SMARCA2: variants seen among roughly 807,000 people sequenced by gnomAD.
The protein encoded by SMARCA2 is SWI/SNF related BAF chromatin remodeling complex subunit ATPase 2.
Under a neutral mutation model 199.8 loss-of-function variants are expected in SMARCA2, and 61 were observed. That is an observed-to-expected ratio of 0.31 (90% CI 0.25 to 0.38). SMARCA2 has a LOEUF of 0.38. SMARCA2 is among the 10% of genes least tolerant of loss of function. The pLI is 1.00. For missense variants in SMARCA2, 1,344 were observed against 2,012.2 expected, an observed-to-expected ratio of 0.67 and a Z score of 6.35; for synonymous variants, 935 against 732.0, an observed-to-expected ratio of 1.28 and a Z score of -4.48.
chr9:2,112,403 G>A (rs573124535), intron 24 of SMARCA2, among the ~76,000 whole-genome samples: 2 of 152,042 alleles, frequency 1.3e-5, no homozygotes, highest in African/African-American at 2.4e-5. Context: ...AAAAGCCACT[G>A]TTCCAGGAAA....
chr9:2,128,506 C>T (rs759812061), intron 27 of SMARCA2, among the ~76,000 whole-genome samples: 4 of 152,232 alleles, frequency 2.6e-5, no homozygotes, highest in Non-Finnish European at 4.4e-5. Context: ...ATGCAGGGTG[C>T]AGTGAAACTG....
At chr9:2,107,946 A>G (rs1435385757) in intron 23 of SMARCA2, among the ~76,000 whole-genome samples, 1 of 152,166 alleles carries the variant, frequency 6.6e-6, no homozygotes, top group Non-Finnish European at 1.5e-5. Context: ...CCTGAAGATA[A>G]GGTTTAGGGA....
chr9:2,026,366 G>T (rs552227767), intron 1 of SMARCA2, among the ~76,000 whole-genome samples: 2 of 152,030 alleles, frequency 1.3e-5, no homozygotes, highest in Non-Finnish European at 2.9e-5. Flanking sequence ...TTATATGCCC[G>T]TAATTTTCCA....
At chr9:2,112,325 C>T (rs946307085) in intron 24 of SMARCA2, among the ~76,000 whole-genome samples, 48 of 152,060 alleles carry the variant, frequency 3.2e-4, no homozygotes, top group African/African-American at 1.1e-3. Context: ...ATTCTGTCTT[C>T]GGAGGTAAGC....
intron 27 of SMARCA2, among the ~76,000 whole-genome samples, chr9:2,146,797 A>G (rs923933887): frequency 6.6e-6 from 1 of 152,106 alleles, no homozygotes; most frequent in Admixed American, 6.6e-5. Flanking sequence ...GTAAACTGTC[A>G]TGGCTCTGGT....
Position 2,169,140 on chromosome 9 carries a change from A to G in SMARCA2, c.4200-1279A>G, listed in dbSNP as rs954667386. 6.6e-6 allele frequency among the ~76,000 whole-genome samples: 1 copy of G among 152,000 alleles called. No homozygotes were observed. The highest frequency in any genetic ancestry group is 2.1e-4 in the South Asian group (1 of 4,808). On this transcript the variant is annotated intron_variant, in intron 28 of 33. Coordinates refer to ENST00000349721, the MANE Select transcript of SMARCA2 (RefSeq NM_003070.5). The surrounding 1 kb of genome is among the most constrained non-coding windows in gnomAD (Gnocchi z 6.5). ...CTCAGAGTCCCCTCAACCTGCTCCT[A>G]ATTGTCCCTACAAGACACCCGTTCA...
chr9:2,089,018 G>T (rs538277394), intron 19 of SMARCA2, among the ~76,000 whole-genome samples: 1 of 151,934 alleles, frequency 6.6e-6, no homozygotes, highest in Non-Finnish European at 1.5e-5. Flanking sequence ...ACATTTACAG[G>T]TTTTCTAGAA....
At chr9:2,084,061 CA>C (rs1821688933) in intron 16 of SMARCA2, 24 bp from the exon 17 acceptor site, 1 of 1,218,332 alleles carries the variant, frequency 8.2e-7, no homozygotes, top group Non-Finnish European at 1.2e-6. Context: ...TAGGATCATG[CA>C]TGTATTTTTT....
At chr9:2,189,826 T>C (rs1827754067) in intron 32 of SMARCA2, among the ~76,000 whole-genome samples, 1 of 152,192 alleles carries the variant, frequency 6.6e-6, no homozygotes, top group South Asian at 2.1e-4. Context: ...TCATCTCTTC[T>C]GTTAGCTTAT....
At chr9:2,074,931 A>G (rs1432516434) in intron 12 of SMARCA2, 1 of 152,156 alleles carries the variant, frequency 6.6e-6, no homozygotes, top group East Asian at 1.9e-4. Context: ...CAGCTACTCT[A>G]TCTCTAAGAT....
chr9:2,144,068 G>GA (rs1201765573), intron 27 of SMARCA2, among the ~76,000 whole-genome samples: 3 of 151,952 alleles, frequency 2.0e-5, no homozygotes, highest in Non-Finnish European at 4.4e-5. Flanking sequence ...GGAGCCGGGA[G>GA]ATGGGGGGGG....
At chr9:2,105,611 T>C (rs1822720129) in intron 23 of SMARCA2, among the ~76,000 whole-genome samples, 1 of 152,188 alleles carries the variant, frequency 6.6e-6, no homozygotes, top group African/African-American at 2.4e-5. Flanking sequence ...TAAATGTCAA[T>C]TTTTAGTTCA....
Position 2,039,950 on chromosome 9 carries a change from A to G in SMARCA2, c.790+50A>G. ...ATAATGCCATGGTCCAACTCGGATA[A>G]CAAAGACTGCTCACCAAAACACCGG... On this transcript the variant is annotated intron_variant, in intron 4 of 33. Transcript: ENST00000349721. This position sits in a 1 kb window ranked among gnomAD's most constrained non-coding sequence, Gnocchi z 4.8. The G allele has an allele frequency of 6.3e-7, 1 of 1,597,288 alleles. No individual in the cohort carries two copies. Among genetic ancestry groups the G allele is most frequent in the Non-Finnish European group, 8.5e-7 (1 of 1,171,970 alleles).
At chr9:2,029,320 C>T (rs1818964099) in intron 2 of SMARCA2, 73 bp downstream of exon 2, 1 of 1,540,320 alleles carries the variant, frequency 6.5e-7, no homozygotes, top group South Asian at 1.2e-5. Context: ...AACCCCATCC[C>T]CCTTTCTACT....
At chr9:2,034,021 C>A (rs900473011) in intron 3 of SMARCA2, among the ~76,000 whole-genome samples, 13 of 151,954 alleles carry the variant, frequency 8.6e-5, no homozygotes, top group Non-Finnish European at 2.9e-5. Context: ...CTGAGACGGG[C>A]GGATCACGAG....
At chr9:2,081,334 C>T (rs1179102331) in intron 14 of SMARCA2, among the ~76,000 whole-genome samples, 2 of 152,216 alleles carry the variant, frequency 1.3e-5, no homozygotes, top group East Asian at 1.9e-4. Flanking sequence ...AACTTTCTCT[C>T]TGCCAGGAAG....
intron 24 of SMARCA2, among the ~76,000 whole-genome samples, chr9:2,111,274 G>A (rs1385589293): frequency 6.6e-6 from 1 of 151,782 alleles, no homozygotes; most frequent in South Asian, 2.1e-4. Flanking sequence ...ATTGCTTTGA[G>A]CCCAGGAATT....
At chr9:2,144,949 A>AT (rs1270359427) in intron 27 of SMARCA2, among the ~76,000 whole-genome samples, 2 of 152,234 alleles carry the variant, frequency 1.3e-5, no homozygotes, top group Non-Finnish European at 2.9e-5. Context: ...ATGAAAAAAA[A>AT]GCCAAAAGAA....
At position 2,015,668 on chromosome 9, in the gene SMARCA2, A is replaced by G. The variant is rs1386150945; in HGVS notation, c.-37+264A>G. On this transcript the variant is annotated intron_variant, in intron 1 of 33. Transcript: ENST00000349721. The stretch of plus-strand genomic sequence containing the variant: ...CCCAGGCGGCGGTGGAAGAAACGAG[A>G]AAGTTTCAACCGAACCTTGCTGTTC... Among the ~76,000 whole-genome samples the G allele has an allele frequency of 2.6e-5, 4 of 152,328 alleles. 1 individual carries two copies. The South Asian group carries it at 8.3e-4, about 32-fold the overall frequency.
Sources: allele counts gnomAD v4.1 joint callset (sites outside exome capture counted in the v4.1 genomes callset), GRCh38; gene constraint gnomAD v4.1.1; non-coding constraint Gnocchi (gnomAD v3.1); transcripts MANE v1.5; gene names NCBI Gene and HGNC (gene_info 2026-07-23, HGNC 2026-07-21).